The following PDE1A variants were observed in gnomAD, a reference collection of about 807,000 sequenced individuals.
PDE1A encodes the protein phosphodiesterase 1A.
PDE1A carries 35 observed loss-of-function variants against 61.7 expected under a neutral mutation model. The ratio of observed to expected loss-of-function variants is 0.57; its 90% CI spans 0.43 to 0.75. The LOEUF (loss-of-function observed/expected upper bound fraction) is 0.75, where lower values mean the gene tolerates loss of function less well. Among genes scored for constraint, PDE1A ranks in the 30% least tolerant of loss-of-function variants. PDE1A has a pLI of 0.00. For missense variants in PDE1A, 597 were observed against 630.6 expected (o/e 0.95, Z 0.57); for synonymous variants, 232 against 213.2 (o/e 1.09, Z -0.77).
chr2:182,162,254 C>A (rs547011244), intron 13 of PDE1A, among the ~76,000 whole-genome samples: 2 of 152,066 alleles, frequency 1.3e-5, no homozygotes, highest in Non-Finnish European at 2.9e-5. Context: ...AGGAGCCAAG[C>A]GATGGCACTC....
At chr2:182,403,624 G>C (rs1468115788) in intron 1 of PDE1A, among the ~76,000 whole-genome samples, 1 of 141,908 alleles carries the variant, frequency 7.0e-6, no homozygotes, top group East Asian at 2.0e-4. Flanking sequence ...AGAAAATGTG[G>C]CACATATACA....
chr2:182,465,698 G>A (rs12475048), intron 2 of PDE1A, among the ~76,000 whole-genome samples: 24,779 of 151,858 alleles, frequency 0.16, 2,496 homozygotes, highest in Middle Eastern at 0.31. Flanking sequence ...CTGACTTCAC[G>A]TCTGCTGAAT....
chr2:182,422,612 A>C (rs1247281525), intron 1 of PDE1A, among the ~76,000 whole-genome samples: 2 of 152,228 alleles, frequency 1.3e-5, no homozygotes, highest in Non-Finnish European at 2.9e-5. Flanking sequence ...TAAGGTGGAA[A>C]TGTCTTCAAC....
intron 1 of PDE1A, among the ~76,000 whole-genome samples, chr2:182,332,209 T>C (rs963567833): frequency 2.6e-5 from 4 of 152,258 alleles, no homozygotes; most frequent in Admixed American, 2.0e-4. Flanking sequence ...TCAGGTCTTT[T>C]ATGTTCTTCT....
chr2:182,164,879 T>C (rs570039711), downstream of PDE1A, among the ~76,000 whole-genome samples: 1 of 152,130 alleles, frequency 6.6e-6, no homozygotes, highest in African/African-American at 2.4e-5. Context: ...AAAACTACCA[T>C]CTGTAAACTT....
At position 182,384,233 on chromosome 2, in the gene PDE1A, T is replaced by C. The variant is rs77669556; in HGVS notation, c.53+42345A>G. Among the ~76,000 whole-genome samples, 94 of 152,154 alleles carry C rather than the reference T, an allele frequency of 6.2e-4. 3 individuals are homozygous for C. The East Asian group carries it at 0.018, about 28-fold the overall frequency. Reference sequence around the variant, plus strand: ...ATCTACTTTTTCAAATATGCACACATAGACACATGACCACAAGAATCAAGA... The same window carrying C: ...ATCTACTTTTTCAAATATGCACACACAGACACATGACCACAAGAATCAAGA... On this transcript the variant is annotated intron_variant, in intron 1 of 13. Coordinates refer to ENST00000351439, the Ensembl canonical transcript of PDE1A.
chr2:182,316,634 G>C (rs1161769938), intron 1 of PDE1A, among the ~76,000 whole-genome samples: 1 of 152,132 alleles, frequency 6.6e-6, no homozygotes. Flanking sequence ...AAGATATTCA[G>C]AAAACTAAGA....
At chr2:182,414,659 C>T (rs946986661) in intron 1 of PDE1A, among the ~76,000 whole-genome samples, 2 of 151,980 alleles carry the variant, frequency 1.3e-5, no homozygotes, top group African/African-American at 4.8e-5. Flanking sequence ...AAATTGTTAT[C>T]TAGACATCTA....
intron 2 of PDE1A, chr2:182,241,906 T>C: frequency 1.3e-6 from 2 of 1,533,818 alleles, no homozygotes; most frequent in Non-Finnish European, 1.7e-6. Context: ...TGTTTATCTT[T>C]TTGCCCATTT....
At position 182,169,922 on chromosome 2, in the gene PDE1A, G is replaced by GCA. The variant is rs1052290375; in HGVS notation, c.1517-1634_1517-1633dup. On this transcript the variant is annotated intron_variant, in intron 13 of 13. Transcript: ENST00000351439. ...CACACACACACACACACACACACAC[G>GCA]CACACACACACACACACTCTCCCTC... Among the ~76,000 whole-genome samples, 763 of 87,732 alleles carry GCA rather than the reference G, an allele frequency of 8.7e-3. 6 individuals carry two copies. Among genetic ancestry groups the GCA allele is most frequent in the African/African-American group, 0.021 (634 of 29,910 alleles). 57.6% of individuals were successfully genotyped at this position (87,732 alleles called of 152,430 possible).
At chr2:182,410,358 C>T (rs1463489954) in intron 1 of PDE1A, among the ~76,000 whole-genome samples, 2 of 151,990 alleles carry the variant, frequency 1.3e-5, no homozygotes, top group African/African-American at 4.8e-5. Context: ...CAGAATAAGA[C>T]TTTGTCTTAA....
At position 182,371,588 on chromosome 2, in the gene PDE1A, C is replaced by T. The variant is rs140431835; in HGVS notation, c.53+54990G>A. On this transcript the variant is annotated intron_variant, in intron 1 of 13. Transcript: ENST00000351439. ...TAATAGACATTTTTAAAGTTTTTCC[C>T]TAACAATTTGTTTACTGGATATCTG... 2.8e-4 allele frequency among the ~76,000 whole-genome samples: 42 copies of T among 152,190 alleles called. 2 individuals are homozygous for T. In the East Asian group the frequency reaches 6.6e-3, roughly 24 times the overall value.
intron 11 of PDE1A, 100 bp from the exon 12 acceptor site, chr2:182,186,688 GATAGCA>G (rs1685234227): frequency 8.2e-7 from 1 of 1,213,070 alleles, no homozygotes; most frequent in Non-Finnish European, 1.2e-6. Flanking sequence ...ACAATCCTGG[GATAGCA>G]AGAATCAACT....
At chr2:182,611,578 G>A in the PDE1A span, among the ~76,000 whole-genome samples, 1 of 152,122 alleles carries the variant, frequency 6.6e-6, no homozygotes, top group Non-Finnish European at 1.5e-5. Context: ...TCTTAGGAAA[G>A]TATGCAATTT....
the PDE1A span, among the ~76,000 whole-genome samples, chr2:182,566,381 A>G: frequency 6.6e-6 from 1 of 152,048 alleles, no homozygotes; most frequent in Admixed American, 6.6e-5. Flanking sequence ...CAATATTTCG[A>G]AATAATTAAC....
At chr2:182,509,643 A>G (rs929118003) in intron 2 of PDE1A, among the ~76,000 whole-genome samples, 20 of 152,236 alleles carry the variant, frequency 1.3e-4, no homozygotes, top group Admixed American at 5.9e-4. Flanking sequence ...AATTGTACTG[A>G]GCCATACAGA....
intron 2 of PDE1A, among the ~76,000 whole-genome samples, chr2:182,485,632 G>T (rs947011813): frequency 4.0e-5 from 6 of 151,888 alleles, no homozygotes; most frequent in Non-Finnish European, 1.5e-5. Context: ...ACATATAAAA[G>T]AATGATACAA....
upstream of PDE1A, among the ~76,000 whole-genome samples, chr2:182,430,984 A>G (rs1443948053): frequency 3.1e-4 from 43 of 137,458 alleles, 1 homozygote; most frequent in African/African-American, 1.1e-3. Context: ...GAGGGATAGC[A>G]TTGGGAGATA....
the PDE1A span, among the ~76,000 whole-genome samples, chr2:182,582,805 T>G: frequency 6.6e-6 from 1 of 152,224 alleles, no homozygotes; most frequent in Non-Finnish European, 1.5e-5. Flanking sequence ...AAAACACTAG[T>G]GACCATAGGA....
Sources: allele counts gnomAD v4.1 joint callset (sites outside exome capture counted in the v4.1 genomes callset), GRCh38; gene constraint gnomAD v4.1.1; transcripts MANE v1.5; gene names NCBI Gene and HGNC (gene_info 2026-07-23, HGNC 2026-07-21).